SH3D19: variants seen among roughly 807,000 people sequenced by gnomAD.
SH3D19 encodes the protein SH3 domain-containing protein 19.
SH3D19 carries 58 observed loss-of-function variants against 112.1 expected under a neutral mutation model. The observed-to-expected ratio is 0.52, with a 90% CI of 0.42 to 0.64. SH3D19 has a LOEUF of 0.64. Ranked by LOEUF, SH3D19 falls within the 30% of genes least tolerant of loss-of-function variation. SH3D19 has a pLI of 0.00. For synonymous variants in SH3D19, 391 were observed against 448.5 expected, an observed-to-expected ratio of 0.87 and a Z score of 1.62; for missense variants, 1,090 against 1,263.4, an observed-to-expected ratio of 0.86 and a Z score of 2.08.
intron 1 of SH3D19, among the ~76,000 whole-genome samples, chr4:151,323,079 A>G (rs375122929): frequency 6.6e-6 from 1 of 152,188 alleles, no homozygotes; most frequent in Non-Finnish European, 1.5e-5. Context: ...AAGAGTTTTT[A>G]CTTTATAATT....
At chr4:151,218,536 C>G (rs957059005) in intron 2 of SH3D19, among the ~76,000 whole-genome samples, 5 of 152,068 alleles carry the variant, frequency 3.3e-5, no homozygotes, top group African/African-American at 1.2e-4. Context: ...CCGTAGCCTC[C>G]CAAGCAGCTA....
intron 4 of SH3D19, among the ~76,000 whole-genome samples, chr4:151,177,403 C>T (rs771727003): frequency 4.0e-5 from 6 of 151,680 alleles, no homozygotes; most frequent in South Asian, 2.1e-4. Context: ...GCAGTGGTGA[C>T]GCGATCTCAA....
chr4:151,142,592 C>G (rs950750912), intron 12 of SH3D19, among the ~76,000 whole-genome samples: 3 of 152,130 alleles, frequency 2.0e-5, no homozygotes, highest in Non-Finnish European at 4.4e-5. Flanking sequence ...AATTCCACTT[C>G]CCTGAAACCC....
chr4:151,222,655 G>GTCTCTCTCTCTCTC (rs34787298), intron 2 of SH3D19, among the ~76,000 whole-genome samples: 2 of 92,998 alleles, frequency 2.2e-5, no homozygotes, highest in Non-Finnish European at 4.2e-5. Flanking sequence ...TATCTCTTTG[G>GTCTCTCTCTCTCTC]TCTCTCTCTC....
chr4:151,175,136 G>A lies in SH3D19; in HGVS notation c.1068C>T (p.Leu356=), dbSNP rs2149826708. The change falls in exon 7 of 20, where the codon CTC becomes CTT. Residue 356 remains leucine, a synonymous_variant. Coordinates refer to ENST00000604030, the MANE Select transcript of SH3D19 (RefSeq NM_001378122.1). ...GEWDSGTENR[L]KVTSKEGLTP... is the part of the protein sequence containing the mutation. ...TGAGTCCTTCCTTGGAGGTCACCTT[G>A]AGTCTGTTCTCAGTCCCAGAGTCCC... 1.2e-6 allele frequency: 2 copies of A among 1,614,118 alleles called. No individual in the cohort carries two copies. Among genetic ancestry groups the A allele is most frequent in the Non-Finnish European group, 1.7e-6 (2 of 1,180,010 alleles).
chr4:151,137,789 G>A lies in SH3D19; in HGVS notation c.2370C>T (p.Tyr790=), dbSNP rs1473858069. The A allele has an allele frequency of 6.2e-7, 1 of 1,610,410 alleles. No individual in the cohort carries two copies. The highest frequency in any genetic ancestry group is 1.1e-5 in the South Asian group (1 of 90,506). The stretch of plus-strand genomic sequence containing the variant: ...CAATCTGGTTTCTACAGTTCCCTCT[G>A]TACCAATCTGTATCTATCTTCTCCA... ...YLLEKIDTDW[Y]RGNCRNQIGI... is the part of the protein sequence containing the mutation. The change falls in exon 14 of 20, where the codon TAC becomes TAT. Residue 790 remains tyrosine (Y), a synonymous_variant. Transcript: ENST00000604030.
intron 3 of SH3D19, among the ~76,000 whole-genome samples, chr4:151,181,291 C>T (rs1044894861): frequency 6.6e-6 from 1 of 152,098 alleles, no homozygotes; most frequent in Non-Finnish European, 1.5e-5. Flanking sequence ...TTCTGCTTCT[C>T]TCTGAACAAG....
chr4:151,144,361 T>C (rs1579757509), intron 11 of SH3D19: 1 of 1,428,462 alleles, frequency 7.0e-7, no homozygotes, highest in East Asian at 2.3e-5. Flanking sequence ...CATTTAGGAA[T>C]TTGGCATGTG....
At chr4:151,173,648 G>A (rs1759441637) in intron 7 of SH3D19, among the ~76,000 whole-genome samples, 1 of 152,224 alleles carries the variant, frequency 6.6e-6, no homozygotes, top group East Asian at 1.9e-4. Context: ...TAGTTTATAC[G>A]CTAAAATGTT....
At chr4:151,193,312 G>A (rs1762935452) in intron 2 of SH3D19, among the ~76,000 whole-genome samples, 1 of 150,776 alleles carries the variant, frequency 6.6e-6, no homozygotes, top group African/African-American at 2.4e-5. Flanking sequence ...ATGAGCATTT[G>A]GTGTTCACTA....
rs192899017 is a variant in SH3D19 at position 151,287,519 on chromosome 4, C to T, written c.112+37722G>A. On this transcript the variant is annotated intron_variant, in intron 1 of 19. Transcript: ENST00000604030. ...CAACATATAAAAAGGACTATATATA[C>T]CGGAATGCCGATTTCATGTTTCAAC... 5.3e-3 allele frequency among the ~76,000 whole-genome samples: 807 copies of T among 152,104 alleles called. 6 individuals are homozygous for T. The highest frequency in any genetic ancestry group is 0.018 in the African/African-American group (756 of 41,500).
intron 2 of SH3D19, among the ~76,000 whole-genome samples, chr4:151,212,582 G>A (rs1766143964): frequency 6.6e-6 from 1 of 152,178 alleles, no homozygotes; most frequent in Non-Finnish European, 1.5e-5. Flanking sequence ...CCACTCTTGA[G>A]ACCTATTGCT....
At chr4:151,217,824 T>C (rs1300556851) in intron 2 of SH3D19, among the ~76,000 whole-genome samples, 2 of 152,150 alleles carry the variant, frequency 1.3e-5, no homozygotes, top group African/African-American at 4.8e-5. Context: ...GAAAATTTTA[T>C]GCAGTAGTTA....
In SH3D19 at chr4:151,234,766, T is replaced by TTTTTG. The variant is rs374882479; in HGVS notation, c.113-8681_113-8680insCAAAA. 2.2e-4 allele frequency among the ~76,000 whole-genome samples: 19 copies of TTTTTG among 87,152 alleles called. 1 individual carries two copies. Among genetic ancestry groups the TTTTTG allele is most frequent in the African/African-American group, 7.7e-4 (15 of 19,512 alleles). 57.2% of individuals were successfully genotyped at this position (87,152 alleles called of 152,430 possible). On this transcript the variant is annotated intron_variant, in intron 1 of 19. Transcript: ENST00000604030. ...TTTTTTTTTTTTTTTTTTTTTTTTT[T>TTTTTG]AGACAGGGGCTCACTCCGTCACTCA...
chr4:151,278,279 T>C (rs570087728), intron 1 of SH3D19, among the ~76,000 whole-genome samples: 70 of 152,204 alleles, frequency 4.6e-4, no homozygotes, highest in Admixed American at 7.2e-4. Flanking sequence ...AGAGCATTTT[T>C]TTTTTAAGAG....
intron 1 of SH3D19, among the ~76,000 whole-genome samples, chr4:151,323,815 T>C (rs1730779636): frequency 6.6e-6 from 1 of 152,208 alleles, no homozygotes; most frequent in Admixed American, 6.5e-5. Context: ...TAAACACACA[T>C]CTGGATCACA....
intron 1 of SH3D19, chr4:151,291,507 A>G: frequency 7.7e-7 from 1 of 1,303,818 alleles, no homozygotes; most frequent in South Asian, 1.5e-5. Context: ...ATTTGAAATG[A>G]TTTTGTTTTT....
At chr4:151,167,867 G>A (rs1758359444) in intron 7 of SH3D19, among the ~76,000 whole-genome samples, 1 of 150,638 alleles carries the variant, frequency 6.6e-6, no homozygotes. Context: ...GGGAAGTGAG[G>A]AGCGCCTCTT....
intron 7 of SH3D19, among the ~76,000 whole-genome samples, chr4:151,172,654 C>T (rs919347310): frequency 2.0e-5 from 3 of 152,112 alleles, no homozygotes; most frequent in Non-Finnish European, 2.9e-5. Flanking sequence ...AGTAGTATTA[C>T]GTCTAAACAA....
Sources: allele counts gnomAD v4.1 joint callset (sites outside exome capture counted in the v4.1 genomes callset), GRCh38; gene constraint gnomAD v4.1.1; transcripts MANE v1.5; gene names NCBI Gene and HGNC (gene_info 2026-07-23, HGNC 2026-07-21).